CFAP96: variants seen among roughly 807,000 people sequenced by gnomAD.
CFAP96 encodes cilia-and flagella-associated protein 96.
the CFAP96 span, among the ~76,000 whole-genome samples, chr4:185,432,913 CAG>C: frequency 6.6e-6 from 1 of 151,110 alleles, no homozygotes; most frequent in Admixed American, 6.6e-5. Context: ...TTTTTTGAGA[CAG>C]AGTCTTGCTC....
the CFAP96 span, chr4:185,418,309 G>T: frequency 3.1e-6 from 2 of 647,270 alleles, no homozygotes; most frequent in Non-Finnish European, 5.0e-6. Context: ...CTTTTGGCAA[G>T]TCATTTAATC....
At chr4:185,414,151 A>G in the CFAP96 span, among the ~76,000 whole-genome samples, 1 of 152,368 alleles carries the variant, frequency 6.6e-6, no homozygotes, top group South Asian at 2.1e-4. Context: ...TTAAATAATT[A>G]TTTATTACAA....
the CFAP96 span, among the ~76,000 whole-genome samples, chr4:185,425,530 A>C: frequency 3.9e-5 from 6 of 152,216 alleles, no homozygotes; most frequent in Admixed American, 2.0e-4. Context: ...AACTAGGGGA[A>C]TATAATATCC....
At chr4:185,419,276 T>C in the CFAP96 span, among the ~76,000 whole-genome samples, 1 of 151,926 alleles carries the variant, frequency 6.6e-6, no homozygotes, top group South Asian at 2.1e-4. Context: ...GGACTACAGG[T>C]GCCCGCCACC....
chr4:185,447,307 G>A, the CFAP96 span, among the ~76,000 whole-genome samples: 15 of 151,296 alleles, frequency 9.9e-5, no homozygotes, highest in African/African-American at 3.6e-4. Context: ...TCAGCCTCCC[G>A]AGTAGCTGGG....
the CFAP96 span, among the ~76,000 whole-genome samples, chr4:185,430,126 C>T: frequency 1.3e-5 from 2 of 152,206 alleles, no homozygotes; most frequent in Non-Finnish European, 1.5e-5. Context: ...ATGCAAACAG[C>T]ATTTACATTT....
At chr4:185,428,275 A>G in the CFAP96 span, among the ~76,000 whole-genome samples, 1 of 149,834 alleles carries the variant, frequency 6.7e-6, no homozygotes, top group Non-Finnish European at 1.5e-5. Flanking sequence ...CATGTCTACT[A>G]TTAGAAATTA....
the CFAP96 span, among the ~76,000 whole-genome samples, chr4:185,410,937 C>CTCCA: frequency 8.0e-6 from 1 of 124,258 alleles, no homozygotes; most frequent in African/African-American, 2.7e-5. Flanking sequence ...CAGAGCAAGA[C>CTCCA]TCCATCTCAA....
the CFAP96 span, among the ~76,000 whole-genome samples, chr4:185,443,342 A>ATATATATATTTTTTTTTTTTTT: frequency 3.7e-5 from 1 of 26,728 alleles, no homozygotes; most frequent in Non-Finnish European, 7.4e-5. Flanking sequence ...ATATATATAT[A>ATATATATATTTTTTTTTTTTTT]TTTTTTTTTT....
At chr4:185,441,380 ATATCT>A in the CFAP96 span, among the ~76,000 whole-genome samples, 10,509 of 151,898 alleles carry the variant, frequency 0.069, 548 homozygotes, top group African/African-American at 0.14. Flanking sequence ...ATATTGTAAG[ATATCT>A]TATAAGATCT....
At chr4:185,408,737 C>G in the CFAP96 span, among the ~76,000 whole-genome samples, 1 of 152,128 alleles carries the variant, frequency 6.6e-6, no homozygotes, top group Admixed American at 6.5e-5. Flanking sequence ...GCAATATGAC[C>G]TTGGAGCCTC....
At chr4:185,413,759 A>T in the CFAP96 span, 9 of 1,613,056 alleles carry the variant, frequency 5.6e-6, no homozygotes, top group Admixed American at 3.3e-5. Context: ...GATTAAGGTA[A>T]GTATGTGGAT....
At chr4:185,447,122 A>T in the CFAP96 span, among the ~76,000 whole-genome samples, 1 of 151,770 alleles carries the variant, frequency 6.6e-6, no homozygotes, top group Non-Finnish European at 1.5e-5. Flanking sequence ...GTCATTCCAT[A>T]TATGTTATAC....
chr4:185,440,888 G>C, the CFAP96 span, among the ~76,000 whole-genome samples: 1 of 149,946 alleles, frequency 6.7e-6, no homozygotes, highest in East Asian at 2.0e-4. Context: ...AGTATGAATA[G>C]TGTAGGGGAT....
the CFAP96 span, among the ~76,000 whole-genome samples, chr4:185,442,964 G>T: frequency 6.6e-6 from 1 of 152,098 alleles, no homozygotes; most frequent in Non-Finnish European, 1.5e-5. Context: ...AATTTGAAGT[G>T]TGATTGGTCT....
chr4:185,444,622 A>G, the CFAP96 span, among the ~76,000 whole-genome samples: 1 of 152,080 alleles, frequency 6.6e-6, no homozygotes, highest in Non-Finnish European at 1.5e-5. Flanking sequence ...CCCATTCTCT[A>G]TCAAAATACA....
At chr4:185,444,502 C>G in the CFAP96 span, among the ~76,000 whole-genome samples, 2 of 152,032 alleles carry the variant, frequency 1.3e-5, no homozygotes, top group African/African-American at 4.8e-5. Context: ...TCGAATTTTC[C>G]TCTCAACTTT....
chr4:185,418,248 ATTAT>A, the CFAP96 span, among the ~76,000 whole-genome samples: 2 of 152,168 alleles, frequency 1.3e-5, no homozygotes, highest in Non-Finnish European at 2.9e-5. Context: ...CCCTTTTGAG[ATTAT>A]GTATTATAAT....
the CFAP96 span, among the ~76,000 whole-genome samples, chr4:185,428,086 CAAAAA>C: frequency 7.1e-6 from 1 of 141,324 alleles, no homozygotes; most frequent in African/African-American, 2.6e-5. Flanking sequence ...AACTCTGTCT[CAAAAA>C]AAAAAAAAAA....
Sources: gnomAD v4.1 joint callset for allele counts (sites outside exome capture counted in the v4.1 genomes callset) on GRCh38, gnomAD v4.1.1 for gene constraint, MANE v1.5 for transcripts, NCBI Gene and HGNC (gene_info 2026-07-23, HGNC 2026-07-21) for gene names.